The following DSCAM variants were observed in gnomAD, a reference collection of about 807,000 sequenced individuals.
The protein encoded by DSCAM is cell adhesion molecule DSCAM.
Under a neutral mutation model 217.7 loss-of-function variants are expected in DSCAM, and 47 were observed. That is an observed-to-expected ratio of 0.22 (90% confidence interval 0.17 to 0.28). DSCAM has a LOEUF of 0.28. Among genes scored for constraint, DSCAM ranks in the 10% least tolerant of loss-of-function variants. DSCAM has a pLI of 1.00. For synonymous variants in DSCAM, 1,056 were observed against 1,015.3 expected (o/e 1.04, Z -0.76); for missense variants, 2,080 against 2,618.3 (o/e 0.79, Z 4.49).
chr21:40,104,779 G>C (rs1421507516), intron 20 of DSCAM, among the ~76,000 whole-genome samples: 2 of 152,172 alleles, frequency 1.3e-5, no homozygotes, highest in African/African-American at 4.8e-5. Flanking sequence ...GATAGTGGGG[G>C]AGGCTGTGCA....
At chr21:40,628,307 A>T (rs952503446) in intron 3 of DSCAM, among the ~76,000 whole-genome samples, 3 of 152,192 alleles carry the variant, frequency 2.0e-5, no homozygotes, top group Non-Finnish European at 2.9e-5. Context: ...CACTTACCAG[A>T]TGAGAGAACT....
chr21:40,189,274 A>T (rs1213032577), intron 11 of DSCAM, 36 bp from the exon 12 acceptor site: 9 of 1,482,590 alleles, frequency 6.1e-6, no homozygotes, highest in Non-Finnish European at 8.1e-6. Context: ...TGTTCAGCAA[A>T]GCAGGGTTCT....
At chr21:40,430,249 A>C (rs1240225237) in intron 3 of DSCAM, among the ~76,000 whole-genome samples, 1 of 152,208 alleles carries the variant, frequency 6.6e-6, no homozygotes, top group Non-Finnish European at 1.5e-5. Flanking sequence ...TGTGATGGTT[A>C]ATACTGAGTG....
intron 1 of DSCAM, among the ~76,000 whole-genome samples, chr21:40,806,878 C>T (rs1384949223): frequency 1.3e-5 from 2 of 152,054 alleles, no homozygotes; most frequent in African/African-American, 4.8e-5. Context: ...CCAAACACCA[C>T]ATATTCTCAC....
At chr21:40,545,092 T>G (rs1015904162) in intron 3 of DSCAM, among the ~76,000 whole-genome samples, 1 of 152,124 alleles carries the variant, frequency 6.6e-6, no homozygotes, top group East Asian at 1.9e-4. Flanking sequence ...ATGAGATTAG[T>G]GCCCTTATGA....
At position 40,318,338 on chromosome 21, in the gene DSCAM, A is replaced by T. The variant is rs1293940122; in HGVS notation, c.1784-5979T>A. Among the ~76,000 whole-genome samples, 14 of 26,718 alleles carry T rather than the reference A, an allele frequency of 5.2e-4. No homozygotes were observed. The Admixed American group carries it at 5.9e-3, about 11-fold the overall frequency. The allele number at this position is 26,718 out of a possible 152,430, so 17.5% of individuals were successfully genotyped here. On this transcript the variant is annotated intron_variant, in intron 8 of 32. Coordinates refer to ENST00000400454, the MANE Select transcript of DSCAM (RefSeq NM_001389.5). The stretch of plus-strand genomic sequence containing the variant: ...TACCCTAAAACTTAAAGTATAATTA[A>T]AAAAAAAAAAAAGAATGACTTAGAA...
chr21:40,184,346 C>T (rs370638383), intron 14 of DSCAM, among the ~76,000 whole-genome samples: 220 of 152,310 alleles, frequency 1.4e-3, no homozygotes, highest in African/African-American at 5.2e-3. Context: ...CAGCTCCTTC[C>T]TCCCAGGGCT....
At chr21:40,594,433 A>AC (rs2077006423) in intron 3 of DSCAM, among the ~76,000 whole-genome samples, 3 of 152,152 alleles carry the variant, frequency 2.0e-5, no homozygotes, top group Admixed American at 2.0e-4. Context: ...CAGGAATATG[A>AC]CCTTGGGCAA....
intron 3 of DSCAM, among the ~76,000 whole-genome samples, chr21:40,541,633 CA>C (rs1036444476): frequency 6.6e-6 from 1 of 151,960 alleles, no homozygotes; most frequent in African/African-American, 2.4e-5. Flanking sequence ...TCTATACACA[CA>C]CATAAATGCA....
At chr21:40,330,923 T>C (rs2074371785) in intron 8 of DSCAM, among the ~76,000 whole-genome samples, 2 of 152,212 alleles carry the variant, frequency 1.3e-5, no homozygotes, top group African/African-American at 4.8e-5. Flanking sequence ...TTCTCGTGTA[T>C]TATTCATAAT....
intron 8 of DSCAM, among the ~76,000 whole-genome samples, chr21:40,334,604 A>G (rs2074410224): frequency 2.6e-5 from 4 of 152,076 alleles, no homozygotes; most frequent in African/African-American, 9.7e-5. Context: ...TTCCCCGAAT[A>G]GACCATTCTC....
At chr21:40,676,349 G>A (rs1336632134) in intron 3 of DSCAM, among the ~76,000 whole-genome samples, 1 of 152,116 alleles carries the variant, frequency 6.6e-6, no homozygotes. Flanking sequence ...CAGGCCTCGC[G>A]GAGCCCAGAG....
intron 3 of DSCAM, among the ~76,000 whole-genome samples, chr21:40,597,241 C>G (rs890248665): frequency 1.3e-5 from 2 of 152,180 alleles, no homozygotes; most frequent in Non-Finnish European, 2.9e-5. Flanking sequence ...GAGGGCACTG[C>G]TACACCCTGA....
At chr21:40,660,048 T>A (rs1032707649) in intron 3 of DSCAM, among the ~76,000 whole-genome samples, 24 of 152,116 alleles carry the variant, frequency 1.6e-4, no homozygotes, top group Middle Eastern at 3.2e-3. Flanking sequence ...TGCTAAAGAC[T>A]GTGTTAAATG....
chr21:40,155,016 A>G (rs1482745858), intron 16 of DSCAM, among the ~76,000 whole-genome samples: 1 of 152,218 alleles, frequency 6.6e-6, no homozygotes, highest in African/African-American at 2.4e-5. Flanking sequence ...CTGCAAAGCA[A>G]AACTCCATTT....
At chr21:40,227,711 T>A (rs2091345825) in intron 11 of DSCAM, among the ~76,000 whole-genome samples, 1 of 152,324 alleles carries the variant, frequency 6.6e-6, no homozygotes, top group South Asian at 2.1e-4. Context: ...TACATTTAGA[T>A]TTATAGAAAA....
chr21:40,523,975 C>A (rs116995828), intron 3 of DSCAM, among the ~76,000 whole-genome samples: 3 of 152,114 alleles, frequency 2.0e-5, no homozygotes. Context: ...GAGAGGGGGA[C>A]AAAGGGACTT....
chr21:40,537,270 G>T (rs79367955), intron 3 of DSCAM, among the ~76,000 whole-genome samples: 2,162 of 152,274 alleles, frequency 0.014, 65 homozygotes, highest in African/African-American at 0.048. Flanking sequence ...TCAATATGTG[G>T]TGAGGAAGGG....
At position 40,078,835 on chromosome 21, in the gene DSCAM, C is replaced by A; in HGVS notation, c.4563G>T (p.Trp1521Cys). The change falls in exon 26 of 33, where the codon TGG (tryptophan) becomes TGT (cysteine). Residue 1521 changes from tryptophan to cysteine, a missense_variant. Physicochemically the swap from Trp to Cys is radical, Grantham distance 215. Transcript: ENST00000400454. The part of the protein sequence containing the change: ...LEYRPFGTTV[W>C]TTAQRTSLSK... ...AGAGAGAGGTCCTCTGAGCTGTGGT[C>A]CAAACTGTGGTCCCAAAGGGCCTGT... 2 of 1,614,188 alleles carry A rather than the reference C, an allele frequency of 1.2e-6. No individual in the cohort carries two copies. Among genetic ancestry groups the A allele is most frequent in the South Asian group, 2.2e-5 (2 of 91,080 alleles).
Sources: allele counts gnomAD v4.1 joint callset (sites outside exome capture counted in the v4.1 genomes callset), GRCh38; gene constraint gnomAD v4.1.1; transcripts MANE v1.5; gene names NCBI Gene and HGNC (gene_info 2026-07-23, HGNC 2026-07-21).